DOCK9: variants seen among roughly 807,000 people sequenced by gnomAD.
DOCK9 encodes dedicator of cytokinesis 9, also known as dedicator of cytokinesis protein 9.
A neutral mutation model predicts 263.3 loss-of-function variants in DOCK9; 89 were observed. The observed-to-expected ratio is 0.34, with a 90% CI of 0.28 to 0.40. The LOEUF is 0.40. DOCK9 is among the 10% of genes least tolerant of loss of function. DOCK9 has a pLI of 1.00. For missense variants in DOCK9, 2,140 were observed against 2,603.4 expected (o/e 0.82, Z 3.87); for synonymous variants, 976 against 973.1 (o/e 1.00, Z -0.06).
At chr13:98,992,512 C>T (rs1211725687) in intron 1 of DOCK9, among the ~76,000 whole-genome samples, 1 of 152,118 alleles carries the variant, frequency 6.6e-6, no homozygotes, top group Non-Finnish European at 1.5e-5. Context: ...TGTAATAATC[C>T]TCACGTGTCA....
At chr13:99,040,517 A>G (rs1022854244) in intron 1 of DOCK9, among the ~76,000 whole-genome samples, 1 of 152,250 alleles carries the variant, frequency 6.6e-6, no homozygotes, top group Non-Finnish European at 1.5e-5. Flanking sequence ...AAAATTGTAC[A>G]TGGTGATTGT....
chr13:98,863,155 A>G, intron 31 of DOCK9, 23 bp from the exon 32 acceptor site: 1 of 1,582,420 alleles, frequency 6.3e-7, no homozygotes. Context: ...CACACATGGT[A>G]AGTTTGACCC....
At chr13:98,892,925 G>C (rs2046844564) in intron 15 of DOCK9, among the ~76,000 whole-genome samples, 1 of 152,230 alleles carries the variant, frequency 6.6e-6, no homozygotes. Context: ...GGCTCAGGCA[G>C]AGAAGCCAAG....
exon 1 of DOCK9, chr13:99,086,236 C>A: frequency 2.0e-6 from 3 of 1,504,904 alleles, no homozygotes. Context: ...GAGCACGGAG[C>A]CGCGCACCAC....
intron 1 of DOCK9, among the ~76,000 whole-genome samples, chr13:98,992,885 CA>C (rs1567180902): frequency 6.6e-6 from 1 of 152,140 alleles, no homozygotes; most frequent in Non-Finnish European, 1.5e-5. Flanking sequence ...AAAGAATAAG[CA>C]AGACGTTCTG....
chr13:99,044,313 T>G (rs1264021024), intron 1 of DOCK9, among the ~76,000 whole-genome samples: 3 of 152,214 alleles, frequency 2.0e-5, no homozygotes, highest in African/African-American at 7.2e-5. Context: ...CTGCAGGCAG[T>G]GGGTCTTATT....
At chr13:98,963,077 G>C (rs960086700) in intron 1 of DOCK9, among the ~76,000 whole-genome samples, 2 of 152,132 alleles carry the variant, frequency 1.3e-5, no homozygotes, top group African/African-American at 4.8e-5. Context: ...ATGGACACAG[G>C]TGAGCCACTG....
intron 1 of DOCK9, among the ~76,000 whole-genome samples, chr13:99,061,233 G>A (rs1279662004): frequency 1.3e-5 from 2 of 152,270 alleles, no homozygotes; most frequent in East Asian, 1.9e-4. Flanking sequence ...AAGACACTGA[G>A]GGGAACAGGA....
intron 30 of DOCK9, among the ~76,000 whole-genome samples, chr13:98,866,116 A>G (rs1189873782): frequency 6.6e-6 from 1 of 152,018 alleles, no homozygotes; most frequent in Non-Finnish European, 1.5e-5. Context: ...TTATCTGGCC[A>G]CCCTGTCTCA....
At chr13:98,898,762 G>C (rs755927498) in intron 13 of DOCK9, among the ~76,000 whole-genome samples, 4 of 152,134 alleles carry the variant, frequency 2.6e-5, no homozygotes, top group Non-Finnish European at 5.9e-5. Context: ...CTTCAGTTAG[G>C]CTGGGGTTCT....
chr13:99,086,137 T>A, intron 1 of DOCK9: 1 of 1,383,626 alleles, frequency 7.2e-7, no homozygotes, highest in South Asian at 1.5e-5. Flanking sequence ...GCCTCAGCCC[T>A]GCCGACTAAG....
chr13:98,864,909 G>A (rs899337365), intron 30 of DOCK9, among the ~76,000 whole-genome samples: 2 of 151,956 alleles, frequency 1.3e-5, no homozygotes, highest in African/African-American at 2.4e-5. Flanking sequence ...CTCACTCCTC[G>A]TCTCTTGCTC....
rs767114082 is a variant in DOCK9, at chr13:98,863,370, C to T, written c.3465G>A (p.Arg1155=). Residue 1155 remains arginine (R), a splice_region_variant and synonymous_variant, in exon 31 of 53, where the codon AGG becomes AGA. Coordinates refer to ENST00000682017, the MANE Select transcript of DOCK9 (RefSeq NM_001366683.2). The part of the protein sequence containing the change: ...KHSFDDRYAS[R]SHQARIATLY... ...ATTCCTTCCATTGGGGACCACTCAC[C>T]CTTGAAGCATATCTGTCATCAAAAG... The T allele has an allele frequency of 1.1e-5, 18 of 1,612,896 alleles. No homozygotes were observed. The highest frequency in any genetic ancestry group is 1.3e-5 in the Non-Finnish European group (15 of 1,179,362).
chr13:98,817,336 C>A (rs1243864575), intron 45 of DOCK9, among the ~76,000 whole-genome samples: 2 of 152,146 alleles, frequency 1.3e-5, no homozygotes, highest in East Asian at 1.9e-4. Context: ...CGCCTCCTAG[C>A]CATGCTTCCT....
At chr13:99,082,621 C>T (rs1480777260) in intron 1 of DOCK9, among the ~76,000 whole-genome samples, 4 of 151,828 alleles carry the variant, frequency 2.6e-5, no homozygotes, top group Non-Finnish European at 5.9e-5. Flanking sequence ...TCTAGAAAAA[C>T]CGAGTATGCC....
intron 43 of DOCK9, 62 bp from the exon 44 acceptor site, chr13:98,826,949 C>T (rs1354999331): frequency 1.5e-6 from 2 of 1,297,460 alleles, no homozygotes; most frequent in African/African-American, 2.9e-5. Context: ...AATGCTCCCA[C>T]ACAGACAGAA....
At position 98,888,348 on chromosome 13, in the gene DOCK9, C is replaced by T. The variant is rs189110977; in HGVS notation, c.1977+12G>A. ...TTGACATCAAGAATGAAACCTCCAT[C>T]TTCACACTCACCTTGGCAAAAGACT... is the stretch of plus-strand genomic sequence containing the variant. On this transcript the variant is annotated intron_variant, in intron 17 of 52. Transcript: ENST00000682017. 1,752 of 1,610,876 alleles carry T rather than the reference C, an allele frequency of 1.1e-3. 3 individuals carry two copies. The highest frequency in any genetic ancestry group is 1.4e-3 in the Non-Finnish European group (1,633 of 1,177,900).
At chr13:98,878,547 G>A (rs1369762985) in intron 27 of DOCK9, among the ~76,000 whole-genome samples, 1 of 152,146 alleles carries the variant, frequency 6.6e-6, no homozygotes, top group East Asian at 1.9e-4. Flanking sequence ...GTGTCTGCGT[G>A]TGCATGTGCA....
intron 1 of DOCK9, among the ~76,000 whole-genome samples, chr13:99,069,238 C>T (rs879649911): frequency 3.3e-5 from 5 of 152,166 alleles, no homozygotes; most frequent in African/African-American, 4.8e-5. Flanking sequence ...TTAGTTCTTC[C>T]TTCATGAATA....
Sources: allele counts gnomAD v4.1 joint callset (sites outside exome capture counted in the v4.1 genomes callset), GRCh38; gene constraint gnomAD v4.1.1; transcripts MANE v1.5; gene names NCBI Gene and HGNC (gene_info 2026-07-23, HGNC 2026-07-21).